KIRREL1: variants seen among roughly 807,000 people sequenced by gnomAD.
KIRREL1 encodes the protein kin of IRRE-like protein 1.
A neutral mutation model predicts 83.3 loss-of-function variants in KIRREL1; 25 were observed. That is an observed-to-expected ratio of 0.30 (90% CI 0.22 to 0.42). The LOEUF (loss-of-function observed/expected upper bound fraction) is 0.42. Ranked by LOEUF, KIRREL1 falls within the 10% of genes least tolerant of loss-of-function variation. The pLI is 1.00. For synonymous variants in KIRREL1, 388 were observed against 410.4 expected (o/e 0.95, Z 0.66); for missense variants, 812 against 1,032.3 (o/e 0.79, Z 2.92).
intron 1 of KIRREL1, among the ~76,000 whole-genome samples, chr1:158,012,479 T>C (rs1312634586): frequency 1.3e-5 from 2 of 152,240 alleles, no homozygotes; most frequent in South Asian, 2.1e-4. Flanking sequence ...TGTGGCTTGG[T>C]ACCTGAGACA....
intron 4 of KIRREL1, among the ~76,000 whole-genome samples, chr1:158,085,811 G>A (rs963172089): frequency 6.6e-6 from 1 of 152,192 alleles, no homozygotes; most frequent in Non-Finnish European, 1.5e-5. Context: ...CTGTCACTGA[G>A]CAAGTGTAAG....
intron 1 of KIRREL1, among the ~76,000 whole-genome samples, chr1:158,075,739 A>T (rs1661660793): frequency 6.6e-6 from 1 of 152,178 alleles, no homozygotes; most frequent in South Asian, 2.1e-4. Flanking sequence ...TCAGGTTCTA[A>T]TCCCAGCTCT....
chr1:158,095,273 C>T lies in KIRREL1; in HGVS notation c.*153C>T. 1 of 628,178 alleles carries T rather than the reference C, an allele frequency of 1.6e-6. No individual in the cohort carries two copies. The highest frequency in any genetic ancestry group is 2.8e-5 in the East Asian group (1 of 36,088). 38.9% of individuals were successfully genotyped at this position (628,178 alleles called of 1,614,324 possible). ...GTGGGGAGCAGGTCTCCCAGAAACA[C>T]CCCGTCCCGAGGATGGTGCTCTGTG... On this transcript the variant is annotated 3_prime_UTR_variant, in exon 15 of 15. Coordinates refer to ENST00000359209, the MANE Select transcript of KIRREL1 (RefSeq NM_018240.7).
intron 1 of KIRREL1, among the ~76,000 whole-genome samples, chr1:158,053,815 T>C (rs1660970414): frequency 1.3e-5 from 2 of 152,158 alleles, no homozygotes; most frequent in South Asian, 2.1e-4. Flanking sequence ...TCCCCAATGC[T>C]TGTTTGCTAG....
At chr1:158,043,065 G>C (rs1660681030) in intron 1 of KIRREL1, among the ~76,000 whole-genome samples, 1 of 147,668 alleles carries the variant, frequency 6.8e-6, no homozygotes, top group Non-Finnish European at 1.5e-5. Context: ...TCCAGCCTGG[G>C]CAACAGAGCG....
intron 1 of KIRREL1, among the ~76,000 whole-genome samples, chr1:158,061,208 G>T (rs914734288): frequency 2.6e-5 from 4 of 152,114 alleles, no homozygotes; most frequent in Admixed American, 2.0e-4. Context: ...CCCTCTTGCT[G>T]GGAGTAAATC....
intron 1 of KIRREL1, among the ~76,000 whole-genome samples, chr1:158,014,545 G>T (rs796706845): frequency 6.8e-4 from 104 of 152,158 alleles, no homozygotes; most frequent in African/African-American, 2.5e-3. Flanking sequence ...GCAGCAGCCA[G>T]GGAACACCCG....
At chr1:158,088,911 C>T (rs907123835) in intron 8 of KIRREL1, among the ~76,000 whole-genome samples, 3 of 152,008 alleles carry the variant, frequency 2.0e-5, no homozygotes, top group Non-Finnish European at 4.4e-5. Context: ...AAAGTGCTTA[C>T]GGTTATCCCC....
At chr1:158,058,794 C>G (rs1661134786) in intron 1 of KIRREL1, among the ~76,000 whole-genome samples, 1 of 152,144 alleles carries the variant, frequency 6.6e-6, no homozygotes, top group Admixed American at 6.5e-5. Context: ...GAGTGACAGG[C>G]CAACTCCATC....
intron 1 of KIRREL1, among the ~76,000 whole-genome samples, chr1:158,070,919 AATT>A (rs1661492898): frequency 6.6e-6 from 1 of 151,986 alleles, no homozygotes; most frequent in South Asian, 2.1e-4. Context: ...TCCTCCACCT[AATT>A]AGACTATTCA....
chr1:158,087,910 T>C, intron 6 of KIRREL1, 50 bp downstream of exon 6: 1 of 1,607,692 alleles, frequency 6.2e-7, no homozygotes, highest in Non-Finnish European at 8.5e-7. Context: ...AAGGAAGAGT[T>C]CGGGGTTAGA....
At chr1:158,045,483 T>C (rs1410988976) in intron 1 of KIRREL1, among the ~76,000 whole-genome samples, 1 of 152,204 alleles carries the variant, frequency 6.6e-6, no homozygotes, top group Non-Finnish European at 1.5e-5. Context: ...AGTGCTATAC[T>C]ATTACAGTTT....
chr1:158,050,481 A>C (rs566860705), intron 1 of KIRREL1, among the ~76,000 whole-genome samples: 2 of 152,048 alleles, frequency 1.3e-5, no homozygotes, highest in African/African-American at 4.8e-5. Flanking sequence ...CATTCACTAT[A>C]AACATCCCTC....
At chr1:158,080,453 TG>T (rs1169277218) in intron 3 of KIRREL1, among the ~76,000 whole-genome samples, 1 of 152,060 alleles carries the variant, frequency 6.6e-6, no homozygotes, top group Admixed American at 6.5e-5. Flanking sequence ...TGCAGGCCAA[TG>T]AAGGAGAGCT....
intron 1 of KIRREL1, among the ~76,000 whole-genome samples, chr1:158,074,804 C>G (rs7539134): frequency 0.2 from 31,078 of 151,858 alleles, 3,313 homozygotes; most frequent in Non-Finnish European, 0.23. Context: ...CTTGGAGTGG[C>G]GAGGGGTGAG....
At chr1:158,068,907 G>A (rs982611482) in intron 1 of KIRREL1, among the ~76,000 whole-genome samples, 7 of 142,950 alleles carry the variant, frequency 4.9e-5, no homozygotes, top group Non-Finnish European at 1.1e-4. Flanking sequence ...GAAAGCTGTC[G>A]GTGCGAATCA....
intron 3 of KIRREL1, among the ~76,000 whole-genome samples, chr1:158,079,584 G>A (rs1189208849): frequency 6.6e-6 from 1 of 152,250 alleles, no homozygotes; most frequent in Non-Finnish European, 1.5e-5. Flanking sequence ...GCCTCCCAAA[G>A]TTCTGGGATT....
chr1:158,010,361 A>C (rs3118179), intron 1 of KIRREL1, among the ~76,000 whole-genome samples: 2,059 of 51,468 alleles, frequency 0.04, 62 homozygotes, highest in Middle Eastern at 0.091. Context: ...ACACACACAC[A>C]CCCCACACAG....
intron 12 of KIRREL1, 42 bp from the exon 13 acceptor site, chr1:158,093,581 C>G (rs745597837): frequency 1.2e-6 from 2 of 1,612,970 alleles, no homozygotes; most frequent in African/African-American, 2.7e-5. Flanking sequence ...GCTGCAGAGA[C>G]CAGCAGGAAG....
Sources: allele counts gnomAD v4.1 joint callset (sites outside exome capture counted in the v4.1 genomes callset), GRCh38; gene constraint gnomAD v4.1.1; transcripts MANE v1.5; gene names NCBI Gene and HGNC (gene_info 2026-07-23, HGNC 2026-07-21).